The following COL6A6 variants were observed in gnomAD, a reference collection of about 807,000 sequenced individuals.
The protein encoded by COL6A6 is collagen type VI alpha 6 chain.
A neutral mutation model predicts 208.6 loss-of-function variants in COL6A6; 183 were observed. That is an observed-to-expected ratio of 0.88 (90% CI 0.78 to 0.99). The LOEUF (loss-of-function observed/expected upper bound fraction) is 0.99, where lower values mean the gene tolerates loss of function less well. Ranked by LOEUF, COL6A6 falls within the 50% of genes least tolerant of loss-of-function variation. The pLI is 0.00. For missense variants in COL6A6, 2,816 were observed against 2,815.2 expected, an observed-to-expected ratio of 1.00 and a Z score of -0.01; for synonymous variants, 973 against 1,011.8, an observed-to-expected ratio of 0.96 and a Z score of 0.73.
chr3:130,637,739 C>T (rs1343116383), intron 28 of COL6A6, among the ~76,000 whole-genome samples: 1 of 151,486 alleles, frequency 6.6e-6, no homozygotes, highest in African/African-American at 2.4e-5. Flanking sequence ...TTTTTTTTTC[C>T]TCAAAAAACA....
chr3:130,586,369 G>C (rs1461033277), intron 10 of COL6A6, 137 bp from the exon 11 acceptor site: 1 of 648,462 alleles, frequency 1.5e-6, no homozygotes, highest in Non-Finnish European at 2.6e-6. Flanking sequence ...TTTACATCAT[G>C]TGTTTGGGGG....
chr3:130,645,854 T>C (rs1004335084), intron 32 of COL6A6, among the ~76,000 whole-genome samples: 1 of 152,248 alleles, frequency 6.6e-6, no homozygotes, highest in African/African-American at 2.4e-5. Context: ...CACCCTCTTA[T>C]ACATTTATAC....
chr3:130,592,493 C>T, intron 13 of COL6A6, 48 bp from the exon 14 acceptor site: 2 of 1,433,830 alleles, frequency 1.4e-6, no homozygotes, highest in South Asian at 1.3e-5. Flanking sequence ...CAAGACAGAT[C>T]TCAGATTACA....
chr3:130,564,935 C>T (rs1428485131), intron 3 of COL6A6, 59 bp from the exon 4 acceptor site: 3 of 1,571,348 alleles, frequency 1.9e-6, no homozygotes, highest in Non-Finnish European at 1.7e-6. Context: ...CCTTCTAATG[C>T]TCACCAAAGA....
At position 130,635,598 on chromosome 3, in the gene COL6A6, C is replaced by T. The variant is rs191980540; in HGVS notation, c.5029-101C>T. 1.7e-4 allele frequency: 130 copies of T among 787,084 alleles called. No homozygotes were observed. The Middle Eastern group carries it at 2.2e-3, about 13-fold the overall frequency. The allele number at this position is 787,084 out of a possible 1,614,324, so 48.8% of individuals were successfully genotyped here. ...CAAAGATGACTGTTAAAAATGCATA[C>T]GAAAAATGTCTTCATGTTAGAATCA... On this transcript the variant is annotated intron_variant, in intron 27 of 36. Transcript: ENST00000358511.
intron 12 of COL6A6, among the ~76,000 whole-genome samples, chr3:130,589,514 G>A (rs557911478): frequency 9.2e-5 from 14 of 152,088 alleles, no homozygotes; most frequent in East Asian, 1.9e-4. Context: ...TGTGAATAAC[G>A]CATTTCAGCA....
chr3:130,581,917 T>G lies in COL6A6; in HGVS notation c.3891+13T>G, dbSNP rs2063433166. 6.2e-7 allele frequency: 1 copy of G among 1,600,090 alleles called. No individual in the cohort carries two copies. The highest frequency in any genetic ancestry group is 8.5e-7 in the Non-Finnish European group (1 of 1,170,716). ...TGCTCGAGGAAAGGTAACATGGATT[T>G]ATCTTATTTGTTGGTCTATGATTGC... On this transcript the variant is annotated intron_variant, in intron 9 of 36. Transcript: ENST00000358511.
intron 18 of COL6A6, chr3:130,594,547 T>C: frequency 4.8e-6 from 2 of 416,680 alleles, no homozygotes. Context: ...CTTACATGTC[T>C]TTTGCAAATG....
In COL6A6 at chr3:130,581,673, C is replaced by T. The variant is rs1183010083; in HGVS notation, c.3660C>T (p.Ala1220=). Residue 1220 remains alanine (A), a synonymous_variant, in exon 9 of 37, where the codon GCC becomes GCT. Coordinates refer to ENST00000358511, the MANE Select transcript of COL6A6 (RefSeq NM_001102608.3). ...METYLQDILR[A]ISSLNGVSCE... ...CCTACCTTCAAGACATCTTACGTGC[C>T]ATCAGCTCCCTCAATGGAGTAAGCT... 1 of 1,613,812 alleles carries T rather than the reference C, an allele frequency of 6.2e-7. No homozygotes were observed. Among genetic ancestry groups the T allele is most frequent in the Non-Finnish European group, 8.5e-7 (1 of 1,179,808 alleles).
Position 130,582,025 on chromosome 3 carries a change from T to A in COL6A6, c.3927T>A (p.Asp1309Glu). The part of the protein sequence containing the change: ...VLLFSDGLDD[D>E]VEKLEQKSDE... ...TATTTTCAGATGGATTGGATGATGA[T>A]GTTGAGAAACTTGAACAAAAATCTG... Residue 1309 changes from aspartate to glutamate, a missense_variant, in exon 10 of 37, where the codon GAT becomes GAA. Physicochemically the swap from Asp to Glu is conservative, Grantham distance 45. Coordinates refer to ENST00000358511, the MANE Select transcript of COL6A6 (RefSeq NM_001102608.3). The A allele has an allele frequency of 6.2e-7, 1 of 1,610,432 alleles. No homozygotes were observed. Among genetic ancestry groups the A allele is most frequent in the Non-Finnish European group, 8.5e-7 (1 of 1,177,770 alleles).
intron 11 of COL6A6, among the ~76,000 whole-genome samples, chr3:130,587,132 G>A (rs2063560494): frequency 1.3e-5 from 2 of 152,204 alleles, no homozygotes; most frequent in South Asian, 4.1e-4. Flanking sequence ...AATTACATTT[G>A]GAGTTCAACT....
intron 1 of COL6A6, among the ~76,000 whole-genome samples, chr3:130,543,262 T>C (rs1240199660): frequency 6.6e-6 from 1 of 152,184 alleles, no homozygotes; most frequent in African/African-American, 2.4e-5. Flanking sequence ...GTGCAGAACA[T>C]ATAGTGAGAT....
intron 1 of COL6A6, among the ~76,000 whole-genome samples, chr3:130,531,872 A>G (rs914873655): frequency 6.6e-6 from 1 of 152,210 alleles, no homozygotes; most frequent in Non-Finnish European, 1.5e-5. Flanking sequence ...TATAATGTAA[A>G]AGCAATTTAT....
At chr3:130,621,783 T>C (rs774495643) in intron 23 of COL6A6, 38 bp from the exon 24 acceptor site, 1 of 1,587,342 alleles carries the variant, frequency 6.3e-7, no homozygotes, top group Non-Finnish European at 8.6e-7. Context: ...AGTTGCTTTA[T>C]GTTTTGCTAT....
chr3:130,638,808 T>C (rs77767287), intron 28 of COL6A6, among the ~76,000 whole-genome samples: 1,619 of 152,374 alleles, frequency 0.011, 29 homozygotes, highest in African/African-American at 0.036. Context: ...CCCAAAGCCA[T>C]TCTGATTCCT....
intron 23 of COL6A6, among the ~76,000 whole-genome samples, chr3:130,616,573 A>T (rs2064533493): frequency 1.4e-5 from 2 of 138,406 alleles, no homozygotes; most frequent in Non-Finnish European, 1.6e-5. Flanking sequence ...AAAAAAAAGG[A>T]TGGAAAATCA....
chr3:130,551,130 TC>T (rs1269764510), intron 1 of COL6A6, among the ~76,000 whole-genome samples: 1 of 150,322 alleles, frequency 6.7e-6, no homozygotes. Context: ...TTTTTTTTTT[TC>T]TGTGTGTGTG....
chr3:130,657,253 A>G (rs1045126864), intron 33 of COL6A6, among the ~76,000 whole-genome samples: 1 of 152,176 alleles, frequency 6.6e-6, no homozygotes, highest in South Asian at 2.1e-4. Context: ...GGTAGCATGA[A>G]CCAAGCACAG....
intron 28 of COL6A6, among the ~76,000 whole-genome samples, chr3:130,638,707 T>A (rs1013289490): frequency 6.6e-6 from 1 of 152,066 alleles, no homozygotes; most frequent in East Asian, 1.9e-4. Context: ...GGATTGGATA[T>A]TCCAACAGTT....
Sources: allele counts gnomAD v4.1 joint callset (sites outside exome capture counted in the v4.1 genomes callset), GRCh38; gene constraint gnomAD v4.1.1; transcripts MANE v1.5; gene names NCBI Gene and HGNC (gene_info 2026-07-23, HGNC 2026-07-21).